The following DPH6 variants were observed in gnomAD, a reference collection of about 807,000 sequenced individuals.
The protein encoded by DPH6 is diphthamine biosynthesis 6.
Under a neutral mutation model 38.2 loss-of-function variants are expected in DPH6, and 33 were observed. The ratio of observed to expected loss-of-function variants is 0.86; its 90% CI spans 0.65 to 1.15. The LOEUF is 1.15. Among genes scored for constraint, DPH6 ranks in the 50% most tolerant of loss-of-function variants. The pLI is 0.00. For synonymous variants in DPH6, 108 were observed against 103.0 expected (o/e 1.05, Z -0.30); for missense variants, 325 against 320.0 (o/e 1.02, Z -0.12).
chr15:35,199,172 C>T, the DPH6 span, among the ~76,000 whole-genome samples: 5 of 152,098 alleles, frequency 3.3e-5, no homozygotes, highest in African/African-American at 7.2e-5. Flanking sequence ...TTCAGCCTCC[C>T]GAAGTGCTGG....
the DPH6 span, among the ~76,000 whole-genome samples, chr15:35,152,341 C>T: frequency 2.0e-5 from 3 of 151,940 alleles, no homozygotes; most frequent in Admixed American, 2.0e-4. Context: ...TTGTGTCATC[C>T]TCTTGAAGAG....
chr15:35,241,490 T>A (rs2051598589), intron 3 of DPH6, among the ~76,000 whole-genome samples: 1 of 143,172 alleles, frequency 7.0e-6, no homozygotes, highest in South Asian at 2.5e-4. Context: ...CACTCTTTTA[T>A]GCACTCTTTT....
At chr15:35,365,855 T>C (rs2052653814) in intron 3 of DPH6, 1 of 985,152 alleles carries the variant, frequency 1.0e-6, no homozygotes, top group South Asian at 4.7e-5. Context: ...GACCCAGCAG[T>C]ACCTACAGCC....
At chr15:35,442,043 G>C (rs1012147400) in intron 5 of DPH6, among the ~76,000 whole-genome samples, 2 of 151,748 alleles carry the variant, frequency 1.3e-5, no homozygotes, top group East Asian at 3.9e-4. Flanking sequence ...ATTGGACTAC[G>C]TCAAAACTAA....
intron 5 of DPH6, among the ~76,000 whole-genome samples, chr15:35,413,296 A>G (rs1001426322): frequency 6.6e-6 from 1 of 151,694 alleles, no homozygotes; most frequent in Admixed American, 6.6e-5. Flanking sequence ...TCATGATCAT[A>G]CTTGTTAATT....
chr15:35,367,267 T>C (rs1208720605), downstream of DPH6, among the ~76,000 whole-genome samples: 1 of 151,836 alleles, frequency 6.6e-6, no homozygotes, highest in African/African-American at 2.4e-5. Context: ...ATTAATAAAA[T>C]TGAGGTTAAA....
At chr15:35,282,544 C>A (rs958920464) in intron 3 of DPH6, 3 of 240,916 alleles carry the variant, frequency 1.2e-5, no homozygotes, top group African/African-American at 6.8e-5. Context: ...CATGCTGCCA[C>A]TGCCACTGTG....
chr15:35,216,363 T>A (rs1595431990), downstream of DPH6, among the ~76,000 whole-genome samples: 1 of 152,372 alleles, frequency 6.6e-6, no homozygotes, highest in East Asian at 1.9e-4. Context: ...TTTCTTTATA[T>A]ACTTGGTAGC....
At chr15:35,483,590 C>G (rs1313884034) in intron 3 of DPH6, among the ~76,000 whole-genome samples, 2 of 151,976 alleles carry the variant, frequency 1.3e-5, no homozygotes, top group Non-Finnish European at 2.9e-5. Flanking sequence ...AAACATTTAT[C>G]CATTGCAGGT....
At chr15:35,337,212 C>A (rs564147423) in intron 3 of DPH6, among the ~76,000 whole-genome samples, 1 of 152,068 alleles carries the variant, frequency 6.6e-6, no homozygotes, top group Non-Finnish European at 1.5e-5. Context: ...CATTTCTTTT[C>A]GATTTTCTAG....
At chr15:35,245,339 C>T (rs571544101) in intron 3 of DPH6, among the ~76,000 whole-genome samples, 6 of 150,420 alleles carry the variant, frequency 4.0e-5, no homozygotes, top group African/African-American at 1.5e-4. Context: ...CCCGGGTTCA[C>T]GCCATTCTCC....
chr15:35,340,321 C>T (rs2052410858), intron 3 of DPH6, among the ~76,000 whole-genome samples: 1 of 152,146 alleles, frequency 6.6e-6, no homozygotes, highest in South Asian at 2.1e-4. Context: ...TGGGTCTTGG[C>T]TGTTTGTCCA....
At chr15:35,168,928 T>C in the DPH6 span, among the ~76,000 whole-genome samples, 18 of 152,114 alleles carry the variant, frequency 1.2e-4, no homozygotes, top group African/African-American at 4.3e-4. Flanking sequence ...TATTAGAGAA[T>C]GTCCAGTTGA....
the DPH6 span, among the ~76,000 whole-genome samples, chr15:35,176,217 G>A: frequency 6.6e-6 from 1 of 152,150 alleles, no homozygotes; most frequent in Non-Finnish European, 1.5e-5. Flanking sequence ...TGATGGAGCT[G>A]CTGAAATTAA....
At chr15:35,427,947 A>G (rs1380854218) in intron 5 of DPH6, among the ~76,000 whole-genome samples, 1 of 152,014 alleles carries the variant, frequency 6.6e-6, no homozygotes, top group Non-Finnish European at 1.5e-5. Flanking sequence ...AAAATACACA[A>G]AAAAGGAATT....
chr15:35,268,216 TAAAAG>T (rs1228749228), intron 3 of DPH6, among the ~76,000 whole-genome samples: 1 of 123,136 alleles, frequency 8.1e-6, no homozygotes, highest in African/African-American at 3.0e-5. Flanking sequence ...AATAAATAAA[TAAAAG>T]AAAACTGAAG....
At chr15:35,194,397 T>TAGAGAG in the DPH6 span, among the ~76,000 whole-genome samples, 2 of 124,996 alleles carry the variant, frequency 1.6e-5, no homozygotes, top group African/African-American at 3.2e-5. Flanking sequence ...GAGAGAGAGA[T>TAGAGAG]AGAGAGAGAG....
chr15:35,343,169 A>C (rs1485243192), intron 3 of DPH6, among the ~76,000 whole-genome samples: 1 of 152,220 alleles, frequency 6.6e-6, no homozygotes, highest in South Asian at 2.1e-4. Context: ...GAAATACAAC[A>C]AAATGTAAGA....
At chr15:35,212,699 A>T (rs2140379581), downstream of DPH6, among the ~76,000 whole-genome samples, 1 of 152,348 alleles carries the variant, frequency 6.6e-6, no homozygotes, top group South Asian at 2.1e-4. Context: ...GTCATTGCCA[A>T]ATCGTGTTGT....
Sources: allele counts gnomAD v4.1 joint callset (sites outside exome capture counted in the v4.1 genomes callset), GRCh38; gene constraint gnomAD v4.1.1; transcripts MANE v1.5; gene names NCBI Gene and HGNC (gene_info 2026-07-23, HGNC 2026-07-21).